APLF: variants seen among roughly 807,000 people sequenced by gnomAD.
APLF encodes aprataxin and PNKP like factor, also known as aprataxin and PNK-like factor.
Under a neutral mutation model 55.6 loss-of-function variants are expected in APLF, and 61 were observed. The ratio of observed to expected loss-of-function variants is 1.10; its 90% CI spans 0.89 to 1.36. The LOEUF (loss-of-function observed/expected upper bound fraction) is 1.36, where lower values mean the gene tolerates loss of function less well. Ranked by LOEUF, APLF falls within the 40% of genes most tolerant of loss-of-function variation. APLF has a pLI of 0.00. For synonymous variants in APLF, 207 were observed against 214.8 expected (o/e 0.96, Z 0.32); for missense variants, 611 against 602.5 (o/e 1.01, Z -0.15).
At chr2:68,573,090 A>G (rs114627906) in intron 9 of APLF, among the ~76,000 whole-genome samples, 11 of 152,214 alleles carry the variant, frequency 7.2e-5, no homozygotes, top group African/African-American at 2.4e-4. Flanking sequence ...TTCTAATCCC[A>G]TATAGTAAAT....
intron 7 of APLF, among the ~76,000 whole-genome samples, chr2:68,544,586 C>G (rs1670648306): frequency 6.6e-6 from 1 of 152,060 alleles, no homozygotes; most frequent in African/African-American, 2.4e-5. Flanking sequence ...TGCACTTTTT[C>G]AATTTCTCAT....
intron 8 of APLF, among the ~76,000 whole-genome samples, chr2:68,551,795 T>C (rs1670874788): frequency 6.6e-6 from 1 of 151,680 alleles, no homozygotes; most frequent in South Asian, 2.1e-4. Flanking sequence ...TTTTTCTGCC[T>C]CTTTGTGTCT....
At chr2:68,502,683 TATTATATTCTTTTTTAAATTTA>T (rs1225345500) in intron 2 of APLF, 26 bp from the exon 3 acceptor site, 4 of 1,117,930 alleles carry the variant, frequency 3.6e-6, no homozygotes, top group African/African-American at 1.6e-5. Context: ...AACATTATTG[TATTATATTCTTTTTTAAATTTA>T]ATTATATTCT....
intron 8 of APLF, among the ~76,000 whole-genome samples, chr2:68,545,833 A>C (rs1056636260): frequency 6.6e-6 from 1 of 152,160 alleles, no homozygotes; most frequent in African/African-American, 2.4e-5. Flanking sequence ...TCTTTATCAG[A>C]ACATCTTTTC....
intron 1 of APLF, among the ~76,000 whole-genome samples, chr2:68,469,081 A>G (rs1573134725): frequency 6.6e-6 from 1 of 151,918 alleles, no homozygotes; most frequent in Admixed American, 6.5e-5. Context: ...GAGGAAGTAG[A>G]TATTCAATTG....
In APLF at chr2:68,565,508, CAGAT is replaced by C. The variant is rs71395978; in HGVS notation, c.1287-1827_1287-1824del. On this transcript the variant is annotated intron_variant, in intron 8 of 9. Transcript: ENST00000303795. Reference sequence around the variant, plus strand: ...ATGGATAGTTAGATAGACAGATAGACAGATAGATACATACATACATACATACATA... The same window carrying C: ...ATGGATAGTTAGATAGACAGATAGACAGATACATACATACATACATACATA... 1.8e-4 allele frequency among the ~76,000 whole-genome samples: 27 copies of C among 146,480 alleles called. No homozygotes were observed. The South Asian group carries it at 2.0e-3, about 11-fold the overall frequency.
At chr2:68,481,388 G>T (rs553690626) in intron 1 of APLF, among the ~76,000 whole-genome samples, 39 of 54,196 alleles carry the variant, frequency 7.2e-4, no homozygotes, top group Non-Finnish European at 8.9e-4. Flanking sequence ...TTTTGTTTTT[G>T]TTTGTTTGTT....
At chr2:68,491,862 A>G (rs1283970882) in intron 2 of APLF, among the ~76,000 whole-genome samples, 1 of 152,172 alleles carries the variant, frequency 6.6e-6, no homozygotes. Context: ...CAAATTAACC[A>G]GTGGAATTGT....
In APLF at chr2:68,529,559, A is replaced by T. The variant is rs1277827468; in HGVS notation, c.804+3317A>T. ...CTCTGTGGCTGGGTGCACACTGGGC[A>T]TCTGGGAGTTTATGACATCACCATG... On this transcript the variant is annotated intron_variant, in intron 6 of 9. Transcript: ENST00000303795. The surrounding 1 kb of genome is among the most constrained non-coding windows in gnomAD (Gnocchi z 4.4). The T allele has an allele frequency of 2.7e-6, 2 of 736,256 alleles. No homozygotes were observed. The highest frequency in any genetic ancestry group is 1.7e-6 in the Non-Finnish European group (1 of 595,148). The allele number at this position is 736,256 out of a possible 1,614,324, so 45.6% of individuals were successfully genotyped here. A position where few individuals can be genotyped will look rare whatever the true frequency, so the allele number is the denominator to read the frequency against.
chr2:68,530,069 C>T (rs1416785841), intron 6 of APLF, among the ~76,000 whole-genome samples: 1 of 152,208 alleles, frequency 6.6e-6, no homozygotes, highest in Non-Finnish European at 1.5e-5. Flanking sequence ...CACCTCTTAC[C>T]ACATGCCTCC....
In APLF at chr2:68,518,822, G is replaced by GTCATTATATAATAAAATAA. The variant is rs1558539987; in HGVS notation, c.622+5143_622+5144insCATTATATAATAAAATAAT. Among the ~76,000 whole-genome samples the GTCATTATATAATAAAATAA allele has an allele frequency of 3.4e-5, 4 of 117,722 alleles. No individual in the cohort carries two copies. The South Asian group carries it at 9.7e-4, about 28-fold the overall frequency. The allele number at this position is 117,722 out of a possible 152,430, so 77.2% of individuals were successfully genotyped here. ...TAATCTATCATATAATAAAATATTAGTAATATATCATTAATATGTAATAAA... is the reference window on the plus strand; with the variant it reads ...TAATCTATCATATAATAAAATATTAGTCATTATATAATAAAATAATAATATATCATTAATATGTAATAAA... On this transcript the variant is annotated intron_variant, in intron 5 of 9. Transcript: ENST00000303795.
chr2:68,525,344 T>C (rs1374810564), intron 5 of APLF, among the ~76,000 whole-genome samples: 1 of 152,038 alleles, frequency 6.6e-6, no homozygotes, highest in African/African-American at 2.4e-5. Flanking sequence ...ACTGTGGATG[T>C]TAGGGTTTAA....
chr2:68,577,202 TAAC>T (rs1440465895), intron 9 of APLF, among the ~76,000 whole-genome samples: 2 of 152,212 alleles, frequency 1.3e-5, no homozygotes, highest in East Asian at 3.8e-4. Context: ...TTTGCTGTGA[TAAC>T]AAACATTTCT....
At chr2:68,479,357 C>G (rs1248981222) in intron 1 of APLF, among the ~76,000 whole-genome samples, 1 of 152,128 alleles carries the variant, frequency 6.6e-6, no homozygotes, top group Non-Finnish European at 1.5e-5. Context: ...ATATGCATGA[C>G]TTCACAGGTT....
intron 5 of APLF, among the ~76,000 whole-genome samples, chr2:68,517,065 C>A (rs1669612640): frequency 1.7e-5 from 2 of 120,106 alleles, no homozygotes; most frequent in African/African-American, 6.7e-5. Context: ...TAATATATAA[C>A]ATGTTAATAT....
At chr2:68,497,300 C>T (rs2103922236) in intron 2 of APLF, among the ~76,000 whole-genome samples, 1 of 152,232 alleles carries the variant, frequency 6.6e-6, no homozygotes, top group Non-Finnish European at 1.5e-5. Context: ...GCCCAAATCT[C>T]ATGTCGAACT....
chr2:68,550,692 A>G (rs566009572), intron 8 of APLF, among the ~76,000 whole-genome samples: 4 of 151,840 alleles, frequency 2.6e-5, no homozygotes, highest in Non-Finnish European at 4.4e-5. Context: ...TAATTTTTCA[A>G]TAGCCACACT....
chr2:68,520,612 C>G (rs1028869540), intron 5 of APLF, among the ~76,000 whole-genome samples: 1 of 151,786 alleles, frequency 6.6e-6, no homozygotes, highest in African/African-American at 2.4e-5. Flanking sequence ...TGTGTCAAAG[C>G]TCAGTTGGCT....
At chr2:68,543,092 A>G (rs1360032872) in intron 7 of APLF, among the ~76,000 whole-genome samples, 1 of 152,178 alleles carries the variant, frequency 6.6e-6, no homozygotes, top group East Asian at 1.9e-4. Context: ...TATCTAGAGT[A>G]GTTAGATTCA....
Sources: gnomAD v4.1 joint callset for allele counts (sites outside exome capture counted in the v4.1 genomes callset) on GRCh38, gnomAD v4.1.1 for gene constraint, Gnocchi (gnomAD v3.1) non-coding constraint, MANE v1.5 for transcripts, NCBI Gene and HGNC (gene_info 2026-07-23, HGNC 2026-07-21) for gene names.